Variants in TTBK2 observed in about 807,000 individuals in gnomAD.
TTBK2 encodes tau tubulin kinase 2.
Under a neutral mutation model 110.8 loss-of-function variants are expected in TTBK2, and 28 were observed. That is an observed-to-expected ratio of 0.25 (90% CI 0.19 to 0.35). The LOEUF is 0.35. TTBK2 is among the 10% of genes least tolerant of loss of function. TTBK2 has a pLI of 1.00. For missense variants in TTBK2, 1,369 were observed against 1,500.3 expected (o/e 0.91, Z 1.45); for synonymous variants, 532 against 527.3 (o/e 1.01, Z -0.12).
intron 7 of TTBK2, among the ~76,000 whole-genome samples, chr15:42,812,532 T>C (rs1891767099): frequency 6.6e-6 from 1 of 152,144 alleles, no homozygotes; most frequent in Non-Finnish European, 1.5e-5. Flanking sequence ...CCTCTCAGGA[T>C]AAATACATCC....
chr15:42,766,399 G>C (rs1217420012), intron 13 of TTBK2, among the ~76,000 whole-genome samples: 2 of 140,606 alleles, frequency 1.4e-5, no homozygotes, highest in Admixed American at 7.0e-5. Context: ...GACACACATA[G>C]GCTCAAAATA....
intron 13 of TTBK2, among the ~76,000 whole-genome samples, chr15:42,773,439 TAAAGAAAGAAAGAAAGAAAG>T (rs72209007): frequency 6.7e-6 from 1 of 149,456 alleles, no homozygotes; most frequent in African/African-American, 2.5e-5. Flanking sequence ...TGTGTCTCAG[TAAAGAAAGAAAGAAAGAAAG>T]AAAGAAAGAA....
chr15:42,813,852 T>C (rs1184275677), intron 7 of TTBK2, among the ~76,000 whole-genome samples: 1 of 149,432 alleles, frequency 6.7e-6, no homozygotes, highest in Non-Finnish European at 1.5e-5. Context: ...CAGGACTCCA[T>C]CTCTTAAAAA....
chr15:42,747,950 G>A (rs1371322002), intron 14 of TTBK2, among the ~76,000 whole-genome samples: 1 of 151,978 alleles, frequency 6.6e-6, no homozygotes, highest in Non-Finnish European at 1.5e-5. Context: ...TATACACAAA[G>A]CACAAAACTA....
At chr15:42,772,418 T>C (rs1889718179) in intron 13 of TTBK2, among the ~76,000 whole-genome samples, 1 of 152,102 alleles carries the variant, frequency 6.6e-6, no homozygotes, top group Admixed American at 6.5e-5. Flanking sequence ...TTTAAATTGA[T>C]TTTAACCCTG....
intron 3 of TTBK2, among the ~76,000 whole-genome samples, chr15:42,852,258 G>C (rs1362764335): frequency 2.0e-5 from 3 of 151,742 alleles, no homozygotes; most frequent in Non-Finnish European, 2.9e-5. Context: ...TAGTAGAGAC[G>C]GGGTTTTACC....
chr15:42,778,947 T>C (rs185769059), intron 11 of TTBK2, among the ~76,000 whole-genome samples: 212 of 152,104 alleles, frequency 1.4e-3, no homozygotes, highest in African/African-American at 4.9e-3. Context: ...AGAAACATCA[T>C]AGTGAAAACG....
chr15:42,884,258 C>T (rs1297179757), intron 1 of TTBK2, among the ~76,000 whole-genome samples: 3 of 152,146 alleles, frequency 2.0e-5, no homozygotes, highest in Non-Finnish European at 4.4e-5. Flanking sequence ...GAAGCTAAAA[C>T]AGTACCATTG....
At chr15:42,754,784 A>G (rs1206626240) in intron 13 of TTBK2, among the ~76,000 whole-genome samples, 3 of 143,726 alleles carry the variant, frequency 2.1e-5, no homozygotes, top group Non-Finnish European at 4.6e-5. Context: ...CGAGGTGGGC[A>G]GACCACCTGA....
chr15:42,766,446 C>CAAAAAAAAAAAAAAAAAAAAAAAAAAA (rs567972612), intron 13 of TTBK2, among the ~76,000 whole-genome samples: 2 of 30,858 alleles, frequency 6.5e-5, no homozygotes, highest in Admixed American at 3.0e-4. Flanking sequence ...GAATGGAAAG[C>CAAAAAAAAAAAAAAAAAAAAAAAAAAA]AAAAAAAAAA....
intron 13 of TTBK2, among the ~76,000 whole-genome samples, chr15:42,763,157 C>CATATATATATATATATATATATACAT (rs1889133978): frequency 4.9e-5 from 1 of 20,464 alleles, no homozygotes; most frequent in Non-Finnish European, 7.8e-5. Flanking sequence ...TATATATATA[C>CATATATATATATATATATATATACAT]ATATATATAT....
At chr15:42,867,584 C>T (rs1894425276) in intron 3 of TTBK2, among the ~76,000 whole-genome samples, 1 of 152,102 alleles carries the variant, frequency 6.6e-6, no homozygotes, top group South Asian at 2.1e-4. Context: ...CATGAAAAAG[C>T]GCTCCATATC....
At chr15:42,804,983 G>A (rs191543321) in intron 9 of TTBK2, among the ~76,000 whole-genome samples, 5 of 152,290 alleles carry the variant, frequency 3.3e-5, no homozygotes, top group Admixed American at 1.3e-4. Context: ...AATCACAGAC[G>A]TTAAGATTTT....
chr15:42,828,212 T>C (rs1406679042), intron 5 of TTBK2, among the ~76,000 whole-genome samples, 180 bp from the exon 6 acceptor site: 8 of 152,146 alleles, frequency 5.3e-5, no homozygotes, highest in Non-Finnish European at 1.2e-4. Context: ...TGGGTTCTAT[T>C]AGTGCCTAAT....
In TTBK2 at chr15:42,745,636, C is replaced by T. The variant is rs2061780623; in HGVS notation, c.*159G>A. On this transcript the variant is annotated 3_prime_UTR_variant, in exon 15 of 15. Coordinates refer to ENST00000267890, the MANE Select transcript of TTBK2 (RefSeq NM_173500.4). ...ACTTGCTGCCTGCCTTAGGTAATTC[C>T]TTATCATGTATTATGTCTTCTTATA... 1 of 902,872 alleles carries T rather than the reference C, an allele frequency of 1.1e-6. No homozygotes were observed. The highest frequency in any genetic ancestry group is 2.6e-5 in the East Asian group (1 of 38,092). The allele number at this position is 902,872 out of a possible 1,614,324, so 55.9% of individuals were successfully genotyped here.
At position 42,752,288 on chromosome 15, in the gene TTBK2, T is replaced by A; in HGVS notation, c.2958A>T (p.Arg986Ser). The change falls in exon 14 of 15, where the codon AGA (arginine) becomes AGT (serine). Residue 986 changes from arginine to serine, a missense_variant. Coordinates refer to ENST00000267890, the MANE Select transcript of TTBK2 (RefSeq NM_173500.4). ...GGTCGCCAAGGAAGGACTTGAATTG[T>A]CTTTTTTCCACCAGAAGCTTGACTA... ...PDLVKLLVEK[R>S]QFKSFLGDLS... 6.2e-7 allele frequency: 1 copy of A among 1,614,222 alleles called. No individual in the cohort carries two copies. Among genetic ancestry groups the A allele is most frequent in the South Asian group, 1.1e-5 (1 of 91,078 alleles).
chr15:42,846,470 C>T (rs1156638455), intron 3 of TTBK2, among the ~76,000 whole-genome samples: 2 of 152,154 alleles, frequency 1.3e-5, no homozygotes, highest in African/African-American at 4.8e-5. Context: ...ATGTGAGCCA[C>T]CATGCCCAGC....
intron 9 of TTBK2, among the ~76,000 whole-genome samples, chr15:42,805,809 C>CT (rs1357174736): frequency 2.0e-5 from 3 of 152,214 alleles, no homozygotes; most frequent in Non-Finnish European, 4.4e-5. Context: ...ATCATCCACA[C>CT]TATACCCTTT....
At chr15:42,836,212 T>C (rs1892978641) in intron 4 of TTBK2, among the ~76,000 whole-genome samples, 1 of 152,202 alleles carries the variant, frequency 6.6e-6, no homozygotes, top group South Asian at 2.1e-4. Flanking sequence ...AACATTTTAA[T>C]GGCAAATAGA....
Sources: gnomAD v4.1 joint callset for allele counts (sites outside exome capture counted in the v4.1 genomes callset) on GRCh38, gnomAD v4.1.1 for gene constraint, MANE v1.5 for transcripts, NCBI Gene and HGNC (gene_info 2026-07-23, HGNC 2026-07-21) for gene names.